CFAP44: variants seen among roughly 807,000 people sequenced by gnomAD.
CFAP44 encodes cilia- and flagella-associated protein 44.
CFAP44 carries 134 observed loss-of-function variants against 216.2 expected under a neutral mutation model. The ratio of observed to expected loss-of-function variants is 0.62; its 90% CI spans 0.54 to 0.72. CFAP44 has a LOEUF of 0.72. CFAP44 is among the 30% of genes least tolerant of loss of function. The pLI is 0.00. For synonymous variants in CFAP44, 700 were observed against 727.6 expected (o/e 0.96, Z 0.61); for missense variants, 2,035 against 2,182.1 (o/e 0.93, Z 1.34).
rs572728150 is a variant in CFAP44 at position 113,399,831 on chromosome 3, A to G, written c.1569+75T>C. On this transcript the variant is annotated intron_variant, in intron 13 of 34. Transcript: ENST00000393845. ...TAAAATTTTGAGTCAGCAAATATCTATATTTCCAGAAAATAGCATTGATAT... is the reference window on the plus strand; with the variant it reads ...TAAAATTTTGAGTCAGCAAATATCTGTATTTCCAGAAAATAGCATTGATAT... 5.5e-5 allele frequency: 55 copies of G among 1,001,326 alleles called. No homozygotes were observed. In the Middle Eastern group the frequency reaches 1.1e-3, roughly 20 times the overall value. 62.0% of individuals were successfully genotyped at this position (1,001,326 alleles called of 1,614,324 possible).
At chr3:113,303,742 CT>C (rs1949960103) in intron 32 of CFAP44, among the ~76,000 whole-genome samples, 173 bp downstream of exon 32, 1 of 152,028 alleles carries the variant, frequency 6.6e-6, no homozygotes, top group South Asian at 2.1e-4. Flanking sequence ...GGAAAGCGAG[CT>C]TTTCATGGCA....
Position 113,291,087 on chromosome 3 carries a change from G to C in CFAP44, c.*470C>G, listed in dbSNP as rs931531942. On this transcript the variant is annotated 3_prime_UTR_variant, in exon 35 of 35. Transcript: ENST00000393845. ...TGCATTTCTATTCTAAGATATAGCT[G>C]ACAAAATGTCCTTTTCTCCTGCATC... is the stretch of plus-strand genomic sequence containing the variant. 1 of 155,780 alleles carries C rather than the reference G, an allele frequency of 6.4e-6. No homozygotes were observed. Among genetic ancestry groups the C allele is most frequent in the East Asian group, 1.9e-4 (1 of 5,338 alleles). 9.6% of individuals were successfully genotyped at this position (155,780 alleles called of 1,614,324 possible). A position where few individuals can be genotyped will look rare whatever the true frequency, so the allele number is the denominator to read the frequency against.
intron 16 of CFAP44, 67 bp downstream of exon 16, chr3:113,380,832 C>A (rs1933486214): frequency 2.3e-6 from 3 of 1,315,092 alleles, no homozygotes; most frequent in African/African-American, 1.5e-5. Context: ...CAGCACTTAA[C>A]ATAGGATATT....
rs539897040 is a variant in CFAP44, at chr3:113,311,948, C to A, written c.4517-3680G>T. Among the ~76,000 whole-genome samples the A allele has an allele frequency of 5.3e-5, 8 of 152,182 alleles. No homozygotes were observed. The South Asian group carries it at 1.7e-3, about 32-fold the overall frequency. ...GCCCCTGCCCTAGAGATTTGTGGAA[C>A]TTTGAACTTGAGAGAGATGATTTAA... On this transcript the variant is annotated intron_variant, in intron 28 of 34. Coordinates refer to ENST00000393845, the MANE Select transcript of CFAP44 (RefSeq NM_001164496.2).
At chr3:113,296,573 C>A (rs1949883019) in intron 33 of CFAP44, among the ~76,000 whole-genome samples, 152 bp downstream of exon 33, 1 of 152,126 alleles carries the variant, frequency 6.6e-6, no homozygotes. Flanking sequence ...AGTAAAGAAG[C>A]CGAGACAAGG....
intron 24 of CFAP44, among the ~76,000 whole-genome samples, chr3:113,339,895 A>T (rs953037772): frequency 6.6e-5 from 10 of 152,216 alleles, no homozygotes; most frequent in African/African-American, 2.4e-4. Flanking sequence ...AAGAGGAGAG[A>T]GTCTGGGGGA....
intron 18 of CFAP44, among the ~76,000 whole-genome samples, chr3:113,372,436 G>A (rs928973581): frequency 1.2e-4 from 18 of 152,234 alleles, no homozygotes; most frequent in African/African-American, 4.3e-4. Context: ...GCAGGGACAT[G>A]GATGAAGCTG....
In CFAP44 at chr3:113,290,775, G is replaced by C. The variant is rs1949821368; in HGVS notation, c.*782C>G. 1 of 152,290 alleles carries C rather than the reference G, an allele frequency of 6.6e-6. No individual in the cohort carries two copies. Among genetic ancestry groups the C allele is most frequent in the African/African-American group, 2.4e-5 (1 of 41,560 alleles). The allele number at this position is 152,290 out of a possible 1,614,324, so 9.4% of individuals were successfully genotyped here. A position where few individuals can be genotyped will look rare whatever the true frequency, so the allele number is the denominator to read the frequency against. On this transcript the variant is annotated 3_prime_UTR_variant, in exon 35 of 35. Transcript: ENST00000393845. ...CAAATGGCCCAAGTAAAACCTGAAA[G>C]AAAATGGCAGGGGACATGAGAAACT...
Position 113,379,234 on chromosome 3 carries a change from AGAAT to A in CFAP44, c.2298+68_2298+71del, listed in dbSNP as rs1402655776. The A allele has an allele frequency of 6.3e-6, 7 of 1,116,158 alleles. No individual in the cohort carries two copies. In the African/African-American group the frequency reaches 1.1e-4, roughly 18 times the overall value. The allele number at this position is 1,116,158 out of a possible 1,614,324, so 69.1% of individuals were successfully genotyped here. ...TGAAATCTTAACATAAGAGTAAGAA[AGAAT>A]GAAGTTACAATAACTATAAACTATA... On this transcript the variant is annotated intron_variant, in intron 17 of 34. Coordinates refer to ENST00000393845, the MANE Select transcript of CFAP44 (RefSeq NM_001164496.2).
chr3:113,373,642 G>A (rs1933244631), intron 17 of CFAP44, 86 bp from the exon 18 acceptor site: 1 of 1,191,752 alleles, frequency 8.4e-7, no homozygotes, highest in Admixed American at 3.7e-5. Flanking sequence ...TTTCAAATTT[G>A]AAAACATAAA....
Position 113,419,997 on chromosome 3 carries a change from C to G in CFAP44, c.570+20G>C. 6.3e-7 allele frequency: 1 copy of G among 1,599,936 alleles called. No individual in the cohort carries two copies. Among genetic ancestry groups the G allele is most frequent in the Non-Finnish European group, 8.5e-7 (1 of 1,175,046 alleles). On this transcript the variant is annotated intron_variant, in intron 5 of 34. Coordinates refer to ENST00000393845, the MANE Select transcript of CFAP44 (RefSeq NM_001164496.2). ...AGATAGGGTTTTTTGGGGTTTTTTT[C>G]TAATTTATTGAAGGCATACCCCAAT...
intron 1 of CFAP44, 133 bp downstream of exon 1, chr3:113,441,320 G>T: frequency 1.1e-6 from 1 of 925,396 alleles, no homozygotes; most frequent in Non-Finnish European, 1.3e-6. Context: ...AGTTTGCTGA[G>T]CTACCGCAGG....
chr3:113,427,140 G>C (rs768577831), intron 3 of CFAP44, 47 bp downstream of exon 3: 6 of 1,576,580 alleles, frequency 3.8e-6, no homozygotes, highest in Non-Finnish European at 5.2e-6. Context: ...TCTGGGCTTT[G>C]TCTCTAAAAC....
rs1305474845 is a variant in CFAP44, at chr3:113,326,586, T to A, written c.4375A>T (p.Lys1459Ter). 6.5e-7 allele frequency: 1 copy of A among 1,529,106 alleles called. No individual in the cohort carries two copies. The highest frequency in any genetic ancestry group is 1.4e-5 in the African/African-American group (1 of 72,564). 94.7% of individuals were successfully genotyped at this position (1,529,106 alleles called of 1,614,324 possible). ...EMEEKKNEIT[K>*]LQEQEKALYA... ...AGTGCCTTTTCTTGCTCCTGGAGTTTGGTGATTTCATTCTTTTTCTCTTCC... is the reference window on the plus strand; with the variant it reads ...AGTGCCTTTTCTTGCTCCTGGAGTTAGGTGATTTCATTCTTTTTCTCTTCC... The change falls in exon 28 of 35, where the codon AAA (lysine) becomes TAA (stop). Residue 1459 changes from lysine to a stop codon, truncating the protein, a stop_gained. Transcript: ENST00000393845. LOFTEE classifies it high-confidence loss of function.
At chr3:113,357,285 G>A (rs1168794258) in intron 22 of CFAP44, among the ~76,000 whole-genome samples, 7 of 152,152 alleles carry the variant, frequency 4.6e-5, no homozygotes. Flanking sequence ...CTCAGAGTGT[G>A]ACCTTATTTG....
At chr3:113,352,052 C>T (rs1018349107) in intron 22 of CFAP44, among the ~76,000 whole-genome samples, 4 of 152,232 alleles carry the variant, frequency 2.6e-5, no homozygotes, top group African/African-American at 9.6e-5. Flanking sequence ...GTTGGGGTGT[C>T]CTGTTTAGAG....
In CFAP44 at chr3:113,346,563, A is replaced by G. The variant is rs977529160; in HGVS notation, c.3066-1851T>C. Among the ~76,000 whole-genome samples the G allele has an allele frequency of 2.6e-5, 4 of 152,028 alleles. 1 individual carries two copies. The highest frequency in any genetic ancestry group is 2.6e-4 in the Admixed American group (4 of 15,294). On this transcript the variant is annotated intron_variant, in intron 22 of 34. Coordinates refer to ENST00000393845, the MANE Select transcript of CFAP44 (RefSeq NM_001164496.2). The stretch of plus-strand genomic sequence containing the variant: ...ACCAATCAGCACTCTGTAAAAACGC[A>G]CCAATCAGCACTCTGGGTCTAGCTA...
chr3:113,429,375 T>C (rs559719070), intron 2 of CFAP44, among the ~76,000 whole-genome samples: 13 of 152,284 alleles, frequency 8.5e-5, no homozygotes, highest in African/African-American at 3.1e-4. Context: ...CTTTTACCCT[T>C]ATGTCACTGG....
At chr3:113,297,000 T>A in intron 32 of CFAP44, 115 bp from the exon 33 acceptor site, 1 of 1,221,578 alleles carries the variant, frequency 8.2e-7, no homozygotes, top group Non-Finnish European at 1.2e-6. Context: ...AAAGATTTTA[T>A]GCCATCAGTG....
Sources: gnomAD v4.1 joint callset for allele counts (sites outside exome capture counted in the v4.1 genomes callset) on GRCh38, gnomAD v4.1.1 for gene constraint, MANE v1.5 for transcripts, NCBI Gene and HGNC (gene_info 2026-07-23, HGNC 2026-07-21) for gene names.